Variants in ZC2HC1B observed in about 807,000 individuals in gnomAD.
The protein encoded by ZC2HC1B is zinc finger C2HC-type containing 1B.
Under a neutral mutation model 31.0 loss-of-function variants are expected in ZC2HC1B, and 36 were observed. That is an observed-to-expected ratio of 1.16 (90% CI 0.89 to 1.54). The LOEUF is 1.54. Among genes scored for constraint, ZC2HC1B ranks in the 40% most tolerant of loss-of-function variants. ZC2HC1B has a pLI of 0.00. For synonymous variants in ZC2HC1B, 73 were observed against 88.0 expected (o/e 0.83, Z 0.95); for missense variants, 260 against 268.6 (o/e 0.97, Z 0.22).
intron 4 of ZC2HC1B, among the ~76,000 whole-genome samples, chr6:143,893,270 A>G (rs563230953): frequency 1.1e-4 from 16 of 152,312 alleles, no homozygotes; most frequent in African/African-American, 3.8e-4. Context: ...CATCCACTTC[A>G]GTGGCTAAAA....
At chr6:143,937,832 CAA>C in intron 7 of ZC2HC1B, 99 bp downstream of exon 7, 1 of 841,088 alleles carries the variant, frequency 1.2e-6, no homozygotes, top group Non-Finnish European at 1.8e-6. Context: ...GACATCTGGA[CAA>C]ACTCCAAGTT....
At chr6:143,878,077 T>C (rs565990193) in intron 1 of ZC2HC1B, among the ~76,000 whole-genome samples, 1 of 151,016 alleles carries the variant, frequency 6.6e-6, no homozygotes, top group Non-Finnish European at 1.5e-5. Flanking sequence ...TTTACCTACT[T>C]GCTAAAACTT....
At position 143,903,236 on chromosome 6, in the gene ZC2HC1B, C is replaced by A; in HGVS notation, c.598+84C>A. ...GGGTTTGGGATTCACTGGTAGTCTG[C>A]AAAAGCTCTAAGACATTCACTGTTG... On this transcript the variant is annotated intron_variant, in intron 6 of 7. Coordinates refer to ENST00000237275, the MANE Select transcript of ZC2HC1B (RefSeq NM_001013623.3). This position sits in a 1 kb window ranked among gnomAD's most constrained non-coding sequence, Gnocchi z 4.3. 1.6e-6 allele frequency: 2 copies of A among 1,226,222 alleles called. No homozygotes were observed. The highest frequency in any genetic ancestry group is 2.5e-5 in the East Asian group (1 of 39,280). 76.0% of individuals were successfully genotyped at this position (1,226,222 alleles called of 1,614,324 possible).
Position 143,908,989 on chromosome 6 carries a change from G to A in ZC2HC1B, c.598+5837G>A, listed in dbSNP as rs1562344661. Among the ~76,000 whole-genome samples the A allele has an allele frequency of 6.6e-6, 1 of 152,148 alleles. No individual in the cohort carries two copies. Among genetic ancestry groups the A allele is most frequent in the Non-Finnish European group, 1.5e-5 (1 of 68,030 alleles). Reference sequence around the variant, plus strand: ...TTATTGAGCGTTTTTAACATAAAGGGATGTTGAAATTTATTGAAGGTCCTT... The same window carrying A: ...TTATTGAGCGTTTTTAACATAAAGGAATGTTGAAATTTATTGAAGGTCCTT... On this transcript the variant is annotated intron_variant, in intron 6 of 7. Coordinates refer to ENST00000237275, the MANE Select transcript of ZC2HC1B (RefSeq NM_001013623.3). This position sits in a 1 kb window ranked among gnomAD's most constrained non-coding sequence, Gnocchi z 4.4.
At chr6:143,926,677 C>T (rs1778050201) in intron 6 of ZC2HC1B, among the ~76,000 whole-genome samples, 1 of 151,856 alleles carries the variant, frequency 6.6e-6, no homozygotes, top group South Asian at 2.1e-4. Flanking sequence ...GATTTTCTGT[C>T]TTGACGATCT....
chr6:143,865,531 C>T lies in ZC2HC1B; in HGVS notation c.28+964C>T, dbSNP rs1004110765. Among the ~76,000 whole-genome samples, 1 of 152,202 alleles carries T rather than the reference C, an allele frequency of 6.6e-6. No individual in the cohort carries two copies. The highest frequency in any genetic ancestry group is 2.4e-5 in the African/African-American group (1 of 41,440). On this transcript the variant is annotated intron_variant, in intron 1 of 7. Transcript: ENST00000237275. This position sits in a 1 kb window ranked among gnomAD's most constrained non-coding sequence, Gnocchi z 4.4. ...TGACCCTCCTTCCCTGGTTTATGTT[C>T]TCCACAACATCTGTTGACGCAGAGG...
At chr6:143,880,511 T>C (rs1777455003) in intron 1 of ZC2HC1B, among the ~76,000 whole-genome samples, 1 of 152,186 alleles carries the variant, frequency 6.6e-6, no homozygotes, top group African/African-American at 2.4e-5. Flanking sequence ...GTGAACAAAA[T>C]GTTTCATTAA....
rs557147057 is a variant in ZC2HC1B at position 143,887,080 on chromosome 6, G to A, written c.349+259G>A. Among the ~76,000 whole-genome samples the A allele has an allele frequency of 2.8e-4, 43 of 152,172 alleles. No homozygotes were observed. Among genetic ancestry groups the A allele is most frequent in the Non-Finnish European group, 5.3e-4 (36 of 68,008 alleles). Reference sequence around the variant, plus strand: ...AAGAAACACCAGACACCTCTTAGCCGATAGGTATGGAGCTATGCAGAGCAA... The same window carrying A: ...AAGAAACACCAGACACCTCTTAGCCAATAGGTATGGAGCTATGCAGAGCAA... On this transcript the variant is annotated intron_variant, in intron 4 of 7. Coordinates refer to ENST00000237275, the MANE Select transcript of ZC2HC1B (RefSeq NM_001013623.3). The surrounding 1 kb of genome is among the most constrained non-coding windows in gnomAD (Gnocchi z 5.1).
chr6:143,873,654 T>C (rs972731772), intron 1 of ZC2HC1B, among the ~76,000 whole-genome samples: 1 of 152,242 alleles, frequency 6.6e-6, no homozygotes, highest in African/African-American at 2.4e-5. Context: ...CAACACCATA[T>C]GGAAGCTGCC....
intron 6 of ZC2HC1B, among the ~76,000 whole-genome samples, chr6:143,907,998 C>T (rs1246042918): frequency 6.6e-6 from 1 of 152,210 alleles, no homozygotes; most frequent in Non-Finnish European, 1.5e-5. Flanking sequence ...CTGCATATGG[C>T]TGGCCAGTTA....
rs1322778990 is a variant in ZC2HC1B, at chr6:143,920,025, G to T, written c.598+16873G>T. ...AGAAAAAAAAATTTAAATTGTATGT[G>T]TATTCATTTGGTAAAACTTTTACCA... On this transcript the variant is annotated intron_variant, in intron 6 of 7. Transcript: ENST00000237275. Among the ~76,000 whole-genome samples, 5 of 152,152 alleles carry T rather than the reference G, an allele frequency of 3.3e-5. No individual in the cohort carries two copies. The South Asian group carries it at 1.0e-3, about 32-fold the overall frequency.
At chr6:143,926,999 CT>C (rs1204404736) in intron 6 of ZC2HC1B, among the ~76,000 whole-genome samples, 1 of 138,462 alleles carries the variant, frequency 7.2e-6, no homozygotes, top group Non-Finnish European at 1.5e-5. Context: ...GGGGTTTCAC[CT>C]TGTTAGCCAG....
chr6:143,925,850 T>C (rs1237240365), intron 6 of ZC2HC1B, among the ~76,000 whole-genome samples: 1 of 152,148 alleles, frequency 6.6e-6, no homozygotes, highest in African/African-American at 2.4e-5. Context: ...TTATTCTTAG[T>C]AGATTGTATG....
chr6:143,896,847 T>G (rs1777671801), intron 4 of ZC2HC1B, among the ~76,000 whole-genome samples: 1 of 152,074 alleles, frequency 6.6e-6, no homozygotes, highest in Non-Finnish European at 1.5e-5. Context: ...CCTGTTCTAT[T>G]TTTTTTCAAG....
At chr6:143,935,299 C>T (rs1316097872) in intron 6 of ZC2HC1B, among the ~76,000 whole-genome samples, 1 of 152,142 alleles carries the variant, frequency 6.6e-6, no homozygotes, top group African/African-American at 2.4e-5. Flanking sequence ...CAACAATGCA[C>T]AGAAGCACTG....
intron 4 of ZC2HC1B, among the ~76,000 whole-genome samples, chr6:143,893,048 C>T (rs545855879): frequency 1.9e-4 from 29 of 151,472 alleles, no homozygotes; most frequent in African/African-American, 5.8e-4. Flanking sequence ...AGAAAATATT[C>T]ATAATTTGTA....
intron 6 of ZC2HC1B, among the ~76,000 whole-genome samples, chr6:143,916,106 A>T (rs1460433248): frequency 2.0e-5 from 3 of 152,192 alleles, no homozygotes; most frequent in Non-Finnish European, 4.4e-5. Flanking sequence ...CAAGCCCAGC[A>T]TCCATCTGAT....
chr6:143,928,795 A>G (rs77439189), intron 6 of ZC2HC1B, among the ~76,000 whole-genome samples: 2,414 of 141,722 alleles, frequency 0.017, 25 homozygotes, highest in Non-Finnish European at 0.026. Context: ...GTAGACATCT[A>G]TCACTCCTTG....
chr6:143,886,339 T>A lies in ZC2HC1B; in HGVS notation c.210+188T>A, dbSNP rs539042473. Among the ~76,000 whole-genome samples the A allele has an allele frequency of 6.6e-6, 1 of 152,322 alleles. No individual in the cohort carries two copies. The highest frequency in any genetic ancestry group is 1.9e-4 in the East Asian group (1 of 5,194). ...AGATATACTTCAGATATTTTCCAGA[T>A]GTAGCAAAAAATAATCTTGTTTATG... On this transcript the variant is annotated intron_variant, in intron 3 of 7. Transcript: ENST00000237275. This position sits in a 1 kb window ranked among gnomAD's most constrained non-coding sequence, Gnocchi z 4.2.
Sources: gnomAD v4.1 joint callset for allele counts (sites outside exome capture counted in the v4.1 genomes callset) on GRCh38, gnomAD v4.1.1 for gene constraint, Gnocchi (gnomAD v3.1) non-coding constraint, MANE v1.5 for transcripts, NCBI Gene and HGNC (gene_info 2026-07-23, HGNC 2026-07-21) for gene names.